Variants in FAM184A observed in about 807,000 individuals in gnomAD.
FAM184A encodes the protein family with sequence similarity 184 member A.
A neutral mutation model predicts 143.8 loss-of-function variants in FAM184A; 99 were observed. That is an observed-to-expected ratio of 0.69 (90% CI 0.58 to 0.81). The LOEUF (loss-of-function observed/expected upper bound fraction) is 0.81. Among genes scored for constraint, FAM184A ranks in the 40% least tolerant of loss-of-function variants. The pLI, the probability that FAM184A is intolerant of heterozygous loss-of-function variation, is 0.00. For missense variants in FAM184A, 1,217 were observed against 1,310.5 expected (o/e 0.93, Z 1.10); for synonymous variants, 427 against 446.4 (o/e 0.96, Z 0.55).
At chr6:119,105,061 T>TA (rs1394036224) in intron 1 of FAM184A, among the ~76,000 whole-genome samples, 1 of 152,100 alleles carries the variant, frequency 6.6e-6, no homozygotes, top group East Asian at 1.9e-4. Flanking sequence ...GCCTAAGAGA[T>TA]ACGATGACTA....
In FAM184A at chr6:119,016,832, G is replaced by A; in HGVS notation, c.1445C>T (p.Thr482Ile). Residue 482 changes from threonine to isoleucine, a missense_variant, in exon 5 of 18, where the codon ACT becomes ATT. Transcript: ENST00000338891. Reference protein sequence around the residue: ...VTQLNEAHSKTLEELAWKHHM... With the variant: ...VTQLNEAHSKILEELAWKHHM... ...GTGCTTCCAAGCTAATTCTTCCAAAGTCTTAGAATGGGCCTCGTTTAATTG... is the reference window on the plus strand; with the variant it reads ...GTGCTTCCAAGCTAATTCTTCCAAAATCTTAGAATGGGCCTCGTTTAATTG... The A allele has an allele frequency of 1.2e-6, 2 of 1,614,066 alleles. No individual in the cohort carries two copies. Among genetic ancestry groups the A allele is most frequent in the Middle Eastern group, 1.6e-4 (1 of 6,062 alleles).
intron 1 of FAM184A, among the ~76,000 whole-genome samples, chr6:119,075,982 A>G (rs1787858791): frequency 1.3e-5 from 2 of 152,220 alleles, no homozygotes; most frequent in Admixed American, 1.3e-4. Context: ...AGTAAATAAA[A>G]GCAGGATAAT....
intron 1 of FAM184A, among the ~76,000 whole-genome samples, chr6:119,109,885 A>G (rs1788886567): frequency 6.6e-6 from 1 of 152,192 alleles, no homozygotes; most frequent in Non-Finnish European, 1.5e-5. Flanking sequence ...CCTATGTCTG[A>G]TAAAAATGTA....
intron 11 of FAM184A, among the ~76,000 whole-genome samples, chr6:118,977,289 A>C (rs1157632486): frequency 1.3e-5 from 2 of 152,154 alleles, no homozygotes; most frequent in Non-Finnish European, 2.9e-5. Context: ...CAACCTCTAC[A>C]TGTTAAATAT....
At chr6:119,066,959 T>C (rs1428228674) in intron 1 of FAM184A, among the ~76,000 whole-genome samples, 2 of 152,216 alleles carry the variant, frequency 1.3e-5, no homozygotes, top group Non-Finnish European at 2.9e-5. Context: ...CAATTTATGC[T>C]AGAAAAGAAG....
intron 1 of FAM184A, among the ~76,000 whole-genome samples, chr6:119,084,676 A>G (rs72953086): frequency 0.13 from 19,111 of 152,162 alleles, 1,680 homozygotes; most frequent in African/African-American, 0.23. Context: ...GGGGTTTCCA[A>G]CCCCGAATTT....
At chr6:119,034,037 T>TAA (rs1188109016) in intron 1 of FAM184A, among the ~76,000 whole-genome samples, 16 of 42,092 alleles carry the variant, frequency 3.8e-4, no homozygotes, top group South Asian at 1.2e-3. Flanking sequence ...TATATATATA[T>TAA]ATATAGAGAG....
intron 9 of FAM184A, among the ~76,000 whole-genome samples, chr6:118,981,555 T>A (rs1784024316): frequency 1.3e-5 from 2 of 151,994 alleles, no homozygotes; most frequent in East Asian, 3.9e-4. Flanking sequence ...GAAAGGTACC[T>A]GGGAAAGAAA....
At chr6:119,141,669 G>T (rs555549341) in intron 1 of FAM184A, among the ~76,000 whole-genome samples, 3 of 151,968 alleles carry the variant, frequency 2.0e-5, no homozygotes, top group Admixed American at 6.6e-5. Context: ...TAGAGATGAG[G>T]TGTCACCATG....
At chr6:119,147,105 A>G (rs1772471340) in intron 1 of FAM184A, among the ~76,000 whole-genome samples, 2 of 150,504 alleles carry the variant, frequency 1.3e-5, no homozygotes, top group South Asian at 4.3e-4. Flanking sequence ...GATGCCTACA[A>G]AATGTGCCAC....
At chr6:118,974,315 T>G in intron 14 of FAM184A, 113 bp downstream of exon 14, 1 of 980,000 alleles carries the variant, frequency 1.0e-6, no homozygotes. Context: ...ACTAAAATTT[T>G]CTTTTTAAAG....
intron 1 of FAM184A, among the ~76,000 whole-genome samples, chr6:119,075,700 C>A (rs1431192416): frequency 6.6e-6 from 1 of 152,152 alleles, no homozygotes; most frequent in Non-Finnish European, 1.5e-5. Flanking sequence ...TGGAACACAC[C>A]TCTGCTAATA....
intron 6 of FAM184A, among the ~76,000 whole-genome samples, chr6:119,009,768 G>T (rs1299932501): frequency 6.6e-6 from 1 of 152,064 alleles, no homozygotes; most frequent in African/African-American, 2.4e-5. Flanking sequence ...GTGTCTGTCT[G>T]TCCATAGTAG....
intron 1 of FAM184A, among the ~76,000 whole-genome samples, chr6:119,118,563 A>G (rs1216781936): frequency 6.6e-6 from 1 of 152,224 alleles, no homozygotes; most frequent in South Asian, 2.1e-4. Flanking sequence ...TAATATTTTT[A>G]TAATTTCTTA....
chr6:119,069,785 T>G (rs990842451), intron 1 of FAM184A, among the ~76,000 whole-genome samples: 8 of 152,110 alleles, frequency 5.3e-5, no homozygotes, highest in African/African-American at 1.9e-4. Context: ...AAGTGAAAAC[T>G]TATTAACCCC....
At chr6:119,041,696 G>A (rs947953457) in intron 1 of FAM184A, among the ~76,000 whole-genome samples, 2 of 152,052 alleles carry the variant, frequency 1.3e-5, no homozygotes, top group African/African-American at 2.4e-5. Flanking sequence ...CAGACCCGCC[G>A]CTGACTTCCA....
chr6:119,128,788 TC>T (rs1450189148), intron 1 of FAM184A, among the ~76,000 whole-genome samples: 1 of 152,108 alleles, frequency 6.6e-6, no homozygotes, highest in East Asian at 1.9e-4. Context: ...CAAATATATT[TC>T]TTTGACATAT....
chr6:119,090,098 C>T (rs942245221), intron 1 of FAM184A, among the ~76,000 whole-genome samples: 3 of 152,298 alleles, frequency 2.0e-5, no homozygotes, highest in East Asian at 1.9e-4. Context: ...ATCTACTTGG[C>T]TTCCTTTGCA....
At chr6:119,123,703 G>T (rs1163806728) in intron 1 of FAM184A, among the ~76,000 whole-genome samples, 1 of 152,126 alleles carries the variant, frequency 6.6e-6, no homozygotes, top group African/African-American at 2.4e-5. Context: ...GTCCGTTGGA[G>T]GCTTGGAGTT....
Sources: gnomAD v4.1 joint callset for allele counts (sites outside exome capture counted in the v4.1 genomes callset) on GRCh38, gnomAD v4.1.1 for gene constraint, MANE v1.5 for transcripts, NCBI Gene and HGNC (gene_info 2026-07-23, HGNC 2026-07-21) for gene names.